CDH13: variants seen among roughly 807,000 people sequenced by gnomAD.
CDH13 encodes the protein cadherin-13.
A neutral mutation model predicts 63.8 loss-of-function variants in CDH13; 24 were observed. That is an observed-to-expected ratio of 0.38 (90% CI 0.27 to 0.53). The LOEUF (loss-of-function observed/expected upper bound fraction) is 0.53, where lower values mean the gene tolerates loss of function less well. Among genes scored for constraint, CDH13 ranks in the 20% least tolerant of loss-of-function variants. The pLI, the probability that CDH13 is intolerant of heterozygous loss-of-function variation, is 0.85. For synonymous variants in CDH13, 503 were observed against 355.3 expected (o/e 1.42, Z -4.67); for missense variants, 1,049 against 903.1 (o/e 1.16, Z -2.07).
chr16:82,881,816 A>T (rs1169101966), intron 2 of CDH13, among the ~76,000 whole-genome samples: 1 of 152,060 alleles, frequency 6.6e-6, no homozygotes, highest in East Asian at 1.9e-4. Flanking sequence ...GCGATACGAT[A>T]GCATGTCACC....
chr16:82,671,577 A>G (rs1913248026), intron 1 of CDH13, among the ~76,000 whole-genome samples: 1 of 152,242 alleles, frequency 6.6e-6, no homozygotes, highest in African/African-American at 2.4e-5. Flanking sequence ...GTCTTCAGAT[A>G]CATAGGTTTG....
chr16:83,651,538 C>T (rs546370664), intron 8 of CDH13, among the ~76,000 whole-genome samples: 1 of 151,042 alleles, frequency 6.6e-6, no homozygotes, highest in Admixed American at 6.6e-5. Context: ...GATGCAGCTT[C>T]CTGTGGCTTT....
chr16:82,858,527 TA>T lies in CDH13; in HGVS notation c.157+56del, dbSNP rs765467786. On this transcript the variant is annotated intron_variant, in intron 2 of 13. Coordinates refer to ENST00000567109, the MANE Select transcript of CDH13 (RefSeq NM_001257.5). ...AGACTCTTCTCATATTTGAATTTAC[TA>T]ATGTTTATGACTGTGTCTCAGGATG... The T allele has an allele frequency of 1.0e-5, 11 of 1,071,466 alleles. No homozygotes were observed. The East Asian group carries it at 2.4e-4, about 23-fold the overall frequency. The allele number at this position is 1,071,466 out of a possible 1,614,324, so 66.4% of individuals were successfully genotyped here. A position where few individuals can be genotyped will look rare whatever the true frequency, so the allele number is the denominator to read the frequency against.
intron 2 of CDH13, among the ~76,000 whole-genome samples, chr16:82,980,072 G>T (rs1485548010): frequency 6.8e-6 from 1 of 147,138 alleles, no homozygotes; most frequent in East Asian, 2.0e-4. Flanking sequence ...CCACCCCCAG[G>T]GGCTAGTGAT....
At chr16:83,087,979 G>C (rs4595788) in intron 3 of CDH13, among the ~76,000 whole-genome samples, 1 of 151,936 alleles carries the variant, frequency 6.6e-6, no homozygotes, top group South Asian at 2.1e-4. Flanking sequence ...GACTGCCTCC[G>C]TCAGTGTGCA....
At chr16:83,280,108 T>C (rs1452278111) in intron 5 of CDH13, among the ~76,000 whole-genome samples, 1 of 152,168 alleles carries the variant, frequency 6.6e-6, no homozygotes, top group East Asian at 1.9e-4. Flanking sequence ...AAGACAACAA[T>C]GAAGTTTGTA....
intron 2 of CDH13, chr16:82,858,706 A>G: frequency 3.3e-6 from 2 of 597,472 alleles, no homozygotes; most frequent in African/African-American, 1.8e-5. Flanking sequence ...GGGTATCTCC[A>G]TACTGCTGTC....
intron 4 of CDH13, among the ~76,000 whole-genome samples, chr16:83,185,418 T>C (rs1410015003): frequency 6.6e-6 from 1 of 152,206 alleles, no homozygotes; most frequent in East Asian, 1.9e-4. Context: ...GTCAACCATG[T>C]ACACAAACAG....
At chr16:83,477,078 A>T (rs1251622366) in intron 6 of CDH13, among the ~76,000 whole-genome samples, 7 of 152,222 alleles carry the variant, frequency 4.6e-5, no homozygotes, top group African/African-American at 1.7e-4. Flanking sequence ...TATGTCATAA[A>T]CAGTTCTTCA....
intron 1 of CDH13, among the ~76,000 whole-genome samples, chr16:82,639,696 C>G (rs1422258115): frequency 6.6e-6 from 1 of 152,214 alleles, no homozygotes; most frequent in Non-Finnish European, 1.5e-5. Context: ...TCTTACCAGA[C>G]TAGTGTTTTT....
chr16:83,779,404 C>T (rs539556225), intron 11 of CDH13, among the ~76,000 whole-genome samples: 2 of 5,828 alleles, frequency 3.4e-4, no homozygotes, highest in Admixed American at 3.4e-3. Context: ...GAGACTCCAT[C>T]TCAAAAAAAA....
chr16:82,644,016 G>T lies in CDH13; in HGVS notation c.45+16879G>T, dbSNP rs1015761290. On this transcript the variant is annotated intron_variant, in intron 1 of 13. Transcript: ENST00000567109. The surrounding 1 kb of genome is among the most constrained non-coding windows in gnomAD (Gnocchi z 5.7). ...CCTCCAGGAGTAGCTGGCATTACAG[G>T]CTTGGCTGACTTTTAAAAGTAGTAA... 6.6e-6 allele frequency among the ~76,000 whole-genome samples: 1 copy of T among 152,152 alleles called. No individual in the cohort carries two copies. Among genetic ancestry groups the T allele is most frequent in the African/African-American group, 2.4e-5 (1 of 41,430 alleles).
intron 3 of CDH13, among the ~76,000 whole-genome samples, chr16:83,045,713 A>G (rs896977618): frequency 5.9e-5 from 9 of 151,856 alleles, no homozygotes; most frequent in African/African-American, 2.2e-4. Context: ...GAGAAAATAC[A>G]GTGTTTGATA....
intron 5 of CDH13, among the ~76,000 whole-genome samples, chr16:83,238,338 G>C (rs958495965): frequency 6.6e-6 from 1 of 152,206 alleles, no homozygotes; most frequent in Non-Finnish European, 1.5e-5. Context: ...GCAAGAGAGC[G>C]TGTGCAGGGG....
chr16:82,936,492 A>C (rs774676162), intron 2 of CDH13, among the ~76,000 whole-genome samples: 20 of 152,030 alleles, frequency 1.3e-4, no homozygotes, highest in Non-Finnish European at 2.6e-4. Flanking sequence ...CCCATGAAAA[A>C]ATTAGCTTCC....
At chr16:83,389,021 C>G (rs1282976475) in intron 6 of CDH13, among the ~76,000 whole-genome samples, 1 of 152,170 alleles carries the variant, frequency 6.6e-6, no homozygotes, top group Non-Finnish European at 1.5e-5. Context: ...TAAAACCAGT[C>G]AGAGCCGACA....
At chr16:83,682,667 T>A (rs1015426691) in intron 10 of CDH13, among the ~76,000 whole-genome samples, 6 of 152,052 alleles carry the variant, frequency 3.9e-5, no homozygotes, top group Non-Finnish European at 7.4e-5. Context: ...CCTTCCTCTG[T>A]CTCTTTGCCT....
At chr16:82,655,132 C>T (rs1911153051) in intron 1 of CDH13, among the ~76,000 whole-genome samples, 1 of 152,210 alleles carries the variant, frequency 6.6e-6, no homozygotes, top group East Asian at 1.9e-4. Context: ...CATTCATTTT[C>T]CCAACACATT....
chr16:82,787,487 G>A (rs934219795), intron 1 of CDH13, among the ~76,000 whole-genome samples: 15 of 152,156 alleles, frequency 9.9e-5, no homozygotes, highest in Non-Finnish European at 1.6e-4. Flanking sequence ...TGTTTACTGT[G>A]TGCAAAAAAA....
Sources: gnomAD v4.1 joint callset for allele counts (sites outside exome capture counted in the v4.1 genomes callset) on GRCh38, gnomAD v4.1.1 for gene constraint, Gnocchi (gnomAD v3.1) non-coding constraint, MANE v1.5 for transcripts, NCBI Gene and HGNC (gene_info 2026-07-23, HGNC 2026-07-21) for gene names.